Variants in FTCDNL1 observed in about 807,000 individuals in gnomAD.
FTCDNL1 encodes the protein formiminotransferase cyclodeaminase N-terminal like.
A neutral mutation model predicts 5.9 loss-of-function variants in FTCDNL1; 11 were observed. The ratio of observed to expected loss-of-function variants is 1.87; its 90% CI spans 1.18 to 3.10. The LOEUF is 3.10. Among genes scored for constraint, FTCDNL1 ranks in the 30% most tolerant of loss-of-function variants. The pLI is 0.00. For missense variants in FTCDNL1, 115 were observed against 65.5 expected (o/e 1.76, Z -2.61); for synonymous variants, 58 against 24.8 (o/e 2.34, Z -3.99).
chr2:199,764,409 G>A (rs907512871), intron 3 of FTCDNL1, among the ~76,000 whole-genome samples: 5 of 152,164 alleles, frequency 3.3e-5, no homozygotes, highest in Admixed American at 6.5e-5. Flanking sequence ...CAGGAAGCCC[G>A]GCTCTGGGGC....
At chr2:199,750,583 T>C in the FTCDNL1 span, among the ~76,000 whole-genome samples, 1 of 152,164 alleles carries the variant, frequency 6.6e-6, no homozygotes, top group African/African-American at 2.4e-5. Flanking sequence ...GAAATATTGA[T>C]GCTCTGCAGC....
chr2:199,781,757 GT>G (rs368893680), intron 3 of FTCDNL1, among the ~76,000 whole-genome samples: 1 of 141,296 alleles, frequency 7.1e-6, no homozygotes, highest in African/African-American at 2.5e-5. Flanking sequence ...GTGAGGTATT[GT>G]TTTTTTTTCT....
chr2:199,759,133 TTGTG>T (rs906184320), downstream of FTCDNL1, among the ~76,000 whole-genome samples: 4 of 149,456 alleles, frequency 2.7e-5, no homozygotes, highest in Admixed American at 6.7e-5. Flanking sequence ...GTATATATAT[TTGTG>T]TGTGTATATA....
At chr2:199,837,593 G>C (rs1702839743) in intron 3 of FTCDNL1, among the ~76,000 whole-genome samples, 1 of 152,058 alleles carries the variant, frequency 6.6e-6, no homozygotes, top group Non-Finnish European at 1.5e-5. Context: ...TAATCAAAGG[G>C]TCTCAAGACT....
intron 3 of FTCDNL1, among the ~76,000 whole-genome samples, chr2:199,788,072 TA>T (rs1164477550): frequency 6.6e-6 from 1 of 152,212 alleles, no homozygotes; most frequent in Non-Finnish European, 1.5e-5. Context: ...ATAAGGCTTA[TA>T]AGAGTAGAAT....
intron 3 of FTCDNL1, among the ~76,000 whole-genome samples, chr2:199,835,970 C>A (rs1208416829): frequency 6.6e-6 from 1 of 152,092 alleles, no homozygotes; most frequent in Non-Finnish European, 1.5e-5. Flanking sequence ...CTTAAGAGAC[C>A]TTTTACCTAG....
chr2:199,716,868 T>C, the FTCDNL1 span, among the ~76,000 whole-genome samples: 1 of 152,208 alleles, frequency 6.6e-6, no homozygotes, highest in African/African-American at 2.4e-5. Flanking sequence ...AGTTAGTAGC[T>C]ATGGTTCAAA....
chr2:199,778,217 G>T (rs1279814987), intron 3 of FTCDNL1, among the ~76,000 whole-genome samples: 1 of 152,108 alleles, frequency 6.6e-6, no homozygotes, highest in Non-Finnish European at 1.5e-5. Flanking sequence ...GTCTGGAGAG[G>T]AACTAGGCAT....
the FTCDNL1 span, among the ~76,000 whole-genome samples, chr2:199,727,544 G>A: frequency 1.3e-5 from 2 of 152,200 alleles, no homozygotes; most frequent in Middle Eastern, 3.2e-3. Flanking sequence ...GAGGCTCCCA[G>A]CTGGGTAGTT....
chr2:199,820,146 T>A lies in FTCDNL1; in HGVS notation c.212-389A>T, dbSNP rs80135297. 3.6e-4 allele frequency among the ~76,000 whole-genome samples: 55 copies of A among 152,304 alleles called. 1 individual carries two copies. In the East Asian group the frequency reaches 0.011, roughly 29 times the overall value. On this transcript the variant is annotated intron_variant, in intron 3 of 4. Coordinates refer to ENST00000420128, the MANE Select transcript of FTCDNL1 (RefSeq NM_001363886.2). ...TGAACAATGTTATAATAGCCCCAAC[T>A]TGTAAATATTGTTAGAAGGTATAAA...
intron 3 of FTCDNL1, among the ~76,000 whole-genome samples, chr2:199,821,258 T>C (rs1171686115): frequency 4.0e-5 from 6 of 151,668 alleles, no homozygotes; most frequent in African/African-American, 1.5e-4. Context: ...CAAGCAATTC[T>C]CCTGCCTCAG....
chr2:199,731,268 G>A, the FTCDNL1 span, among the ~76,000 whole-genome samples: 1 of 152,048 alleles, frequency 6.6e-6, no homozygotes, highest in Non-Finnish European at 1.5e-5. Context: ...CTAGATGATG[G>A]GTTGATAGGT....
intron 3 of FTCDNL1, among the ~76,000 whole-genome samples, chr2:199,797,616 T>C (rs1307602400): frequency 2.0e-5 from 3 of 152,236 alleles, no homozygotes; most frequent in Non-Finnish European, 4.4e-5. Flanking sequence ...AAGCTGATGA[T>C]GGAGACTGTC....
intron 3 of FTCDNL1, among the ~76,000 whole-genome samples, chr2:199,762,644 A>T (rs944803062): frequency 2.6e-5 from 4 of 152,228 alleles, no homozygotes; most frequent in Non-Finnish European, 4.4e-5. Context: ...GAATAAATGA[A>T]TGAGTTTTTG....
the FTCDNL1 span, among the ~76,000 whole-genome samples, chr2:199,729,463 A>G: frequency 6.6e-6 from 1 of 152,228 alleles, no homozygotes; most frequent in East Asian, 1.9e-4. Context: ...CCAACGTCTC[A>G]GCCCAAAAAT....
chr2:199,701,997 T>G, the FTCDNL1 span, among the ~76,000 whole-genome samples: 2 of 152,128 alleles, frequency 1.3e-5, no homozygotes, highest in East Asian at 3.9e-4. Flanking sequence ...ATTGCACCAC[T>G]GCACTCCAGA....
the FTCDNL1 span, among the ~76,000 whole-genome samples, chr2:199,715,970 G>A: frequency 6.8e-6 from 1 of 146,380 alleles, no homozygotes; most frequent in African/African-American, 2.6e-5. Flanking sequence ...GAATTACCCG[G>A]TAAGTTCTTT....
intron 3 of FTCDNL1, among the ~76,000 whole-genome samples, chr2:199,774,424 T>C (rs1486988948): frequency 6.6e-6 from 1 of 152,150 alleles, no homozygotes; most frequent in African/African-American, 2.4e-5. Flanking sequence ...CCTGGACAGA[T>C]TATGTTGGAA....
chr2:199,681,349 G>A, the FTCDNL1 span, among the ~76,000 whole-genome samples: 668 of 152,224 alleles, frequency 4.4e-3, 7 homozygotes, highest in African/African-American at 0.015. Context: ...CCAGCTACTC[G>A]GGAGGCTGAG....
Sources: gnomAD v4.1 joint callset for allele counts (sites outside exome capture counted in the v4.1 genomes callset) on GRCh38, gnomAD v4.1.1 for gene constraint, MANE v1.5 for transcripts, NCBI Gene and HGNC (gene_info 2026-07-23, HGNC 2026-07-21) for gene names.